Variants in DDX46 observed in about 807,000 individuals in gnomAD.
The protein encoded by DDX46 is DEAD-box helicase 46.
In DDX46, 30 loss-of-function variants were observed where a neutral mutation model predicts 134.9. That is an observed-to-expected ratio of 0.22 (90% CI 0.17 to 0.30). The LOEUF is 0.30. DDX46 is among the 10% of genes least tolerant of loss of function. The probability of loss-of-function intolerance (pLI) is 1.00; values close to 1 mark genes in which losing one functional copy is unlikely to be tolerated. For synonymous variants in DDX46, 415 were observed against 404.1 expected, an observed-to-expected ratio of 1.03 and a Z score of -0.32; for missense variants, 622 against 1,248.7, an observed-to-expected ratio of 0.50 and a Z score of 7.56.
At chr5:134,780,562 C>CTCAATCAA (rs1477232038) in intron 6 of DDX46, among the ~76,000 whole-genome samples, 141 of 110,056 alleles carry the variant, frequency 1.3e-3, no homozygotes, top group African/African-American at 4.3e-3. Flanking sequence ...AAAACTTTAT[C>CTCAATCAA]TCAATAAATA....
chr5:134,773,816 G>A lies in DDX46; in HGVS notation c.568G>A (p.Glu190Lys). The A allele has an allele frequency of 6.2e-7, 1 of 1,611,964 alleles. No individual in the cohort carries two copies. Among genetic ancestry groups the A allele is most frequent in the East Asian group, 2.2e-5 (1 of 44,780 alleles). ...CATAGGAGAACTGAAAAAGGAAATC[G>A]AAGAGATGAAACAAGGGAAAAAGTG... ...ENIGELKKEI[E>K]EMKQGKKWSL... The change falls in exon 5 of 23, where the codon GAA becomes AAA. Residue 190 changes from glutamate (E) to lysine (K), a missense_variant. Around this residue, in one of 8 missense-constraint regions of DDX46, gnomAD observed 244 missense variants for 349.3 expected, o/e 0.70. Coordinates refer to ENST00000452510, the MANE Select transcript of DDX46 (RefSeq NM_001300860.2).
intron 11 of DDX46, among the ~76,000 whole-genome samples, chr5:134,786,673 C>T (rs1017907675): frequency 7.2e-5 from 11 of 152,204 alleles, no homozygotes; most frequent in African/African-American, 2.4e-4. Context: ...CGAGACTCCC[C>T]GTCTCTACTG....
At position 134,788,516 on chromosome 5, in the gene DDX46, G is replaced by A. The variant is rs773009887; in HGVS notation, c.1468G>A (p.Ala490Thr). 6.8e-6 allele frequency: 11 copies of A among 1,613,078 alleles called. No individual in the cohort carries two copies. The highest frequency in any genetic ancestry group is 8.5e-6 in the Non-Finnish European group (10 of 1,179,354). Residue 490 changes from alanine to threonine, a missense_variant, in exon 12 of 23, where the codon GCT (alanine) becomes ACT (threonine). By Grantham distance (58) the Ala-to-Thr change is moderately conservative. Around this residue, in one of 8 missense-constraint regions of DDX46, gnomAD observed 209 missense variants for 508.4 expected, o/e 0.41. Coordinates refer to ENST00000452510, the MANE Select transcript of DDX46 (RefSeq NM_001300860.2). ...YGGTGISEQI[A>T]ELKRGAEIIV... ...AAAGTTTCATCTTTTTTATTAGATT[G>A]CTGAGCTGAAAAGAGGTGCTGAAAT...
At position 134,784,218 on chromosome 5, in the gene DDX46, T is replaced by C. The variant is rs1441995306; in HGVS notation, c.1167-148T>C. ...TAGTCCATATTGTAGAATGTGTTAG[T>C]ACTTCATTCCTTTTTATTGCCAAAT... On this transcript the variant is annotated intron_variant, in intron 9 of 22. Coordinates refer to ENST00000452510, the MANE Select transcript of DDX46 (RefSeq NM_001300860.2). 4 of 683,054 alleles carry C rather than the reference T, an allele frequency of 5.9e-6. No individual in the cohort carries two copies. In the East Asian group the frequency reaches 8.7e-5, roughly 15 times the overall value. 42.3% of individuals were successfully genotyped at this position (683,054 alleles called of 1,614,324 possible).
intron 6 of DDX46, 145 bp from the exon 7 acceptor site, chr5:134,780,988 C>G (rs1235344246): frequency 3.8e-6 from 2 of 524,286 alleles, no homozygotes; most frequent in Non-Finnish European, 6.4e-6. Context: ...ATGATCACAC[C>G]ACTCAAGCCT....
intron 13 of DDX46, among the ~76,000 whole-genome samples, chr5:134,791,272 A>G (rs1009788662): frequency 1.3e-5 from 2 of 152,218 alleles, no homozygotes; most frequent in Admixed American, 6.5e-5. Context: ...TGTTCCTTAT[A>G]TATGCTCTTT....
chr5:134,808,605 A>T (rs538344142), intron 16 of DDX46, among the ~76,000 whole-genome samples: 47 of 151,392 alleles, frequency 3.1e-4, no homozygotes, highest in African/African-American at 7.7e-4. Flanking sequence ...ATCTTTTTTT[A>T]AAAAAAAACA....
chr5:134,821,146 T>A (rs1433174026), intron 21 of DDX46, among the ~76,000 whole-genome samples: 1 of 151,510 alleles, frequency 6.6e-6, no homozygotes, highest in Non-Finnish European at 1.5e-5. Context: ...CACGCCATTC[T>A]CCTGCCTCAG....
intron 2 of DDX46, 38 bp downstream of exon 2, chr5:134,764,130 A>G (rs1436770926): frequency 1.3e-6 from 2 of 1,572,534 alleles, no homozygotes; most frequent in Non-Finnish European, 1.7e-6. Flanking sequence ...CGAGTGATAA[A>G]TTGGGCCTTC....
At position 134,807,205 on chromosome 5, in the gene DDX46, A is replaced by G. The variant is rs1227822293; in HGVS notation, c.1955-543A>G. On this transcript the variant is annotated intron_variant, in intron 15 of 22. Transcript: ENST00000452510. ...TTTTTTTTTTTTTTGTATTTTTAGT[A>G]GAGACGGGGTTTCACCATGTTGGTC... Among the ~76,000 whole-genome samples, 9 of 128,760 alleles carry G rather than the reference A, an allele frequency of 7.0e-5. No homozygotes were observed. The South Asian group carries it at 2.2e-3, about 31-fold the overall frequency. The allele number at this position is 128,760 out of a possible 152,430, so 84.5% of individuals were successfully genotyped here.
rs761764011 is a variant in DDX46, at chr5:134,802,497, G to GT, written c.1955-5237dup. ...CTTTTACCCTGTTGTCAACATTATC[G>GT]TTTTTTTTTTTTTTGTCATCGCCTA... On this transcript the variant is annotated intron_variant, in intron 15 of 22. Coordinates refer to ENST00000452510, the MANE Select transcript of DDX46 (RefSeq NM_001300860.2). Among the ~76,000 whole-genome samples the GT allele has an allele frequency of 8.3e-3, 1,120 of 134,946 alleles. 4 individuals carry two copies. Among genetic ancestry groups the GT allele is most frequent in the East Asian group, 9.8e-3 (47 of 4,774 alleles). 88.5% of individuals were successfully genotyped at this position (134,946 alleles called of 152,430 possible). A position where few individuals can be genotyped will look rare whatever the true frequency, so the allele number is the denominator to read the frequency against.
At chr5:134,766,722 TAAAAAAATGAAAGAAATA>T (rs1753578865) in intron 2 of DDX46, among the ~76,000 whole-genome samples, 177 bp from the exon 3 acceptor site, 1 of 152,138 alleles carries the variant, frequency 6.6e-6, no homozygotes, top group Non-Finnish European at 1.5e-5. Context: ...ACTTTGTCTT[TAAAAAAATGAAAGAAATA>T]AATTAGTATT....
At chr5:134,791,040 A>G (rs1434814512) in intron 13 of DDX46, among the ~76,000 whole-genome samples, 2 of 152,008 alleles carry the variant, frequency 1.3e-5, no homozygotes, top group Non-Finnish European at 2.9e-5. Flanking sequence ...CTGGTCTCGA[A>G]CTCCTGACCT....
At chr5:134,795,216 T>G (rs10067634) in intron 14 of DDX46, among the ~76,000 whole-genome samples, 2,266 of 109,410 alleles carry the variant, frequency 0.021, 70 homozygotes, top group African/African-American at 0.063. Flanking sequence ...TTTTTTTTTT[T>G]TTTGTTTTTT....
In DDX46 at chr5:134,777,436, A is replaced by G; in HGVS notation, c.614-138A>G. 2.3e-6 allele frequency: 2 copies of G among 883,340 alleles called. 1 individual carries two copies. Among genetic ancestry groups the G allele is most frequent in the Non-Finnish European group, 3.4e-6 (2 of 589,222 alleles). The allele number at this position is 883,340 out of a possible 1,614,324, so 54.7% of individuals were successfully genotyped here. A position where few individuals can be genotyped will look rare whatever the true frequency, so the allele number is the denominator to read the frequency against. ...AAAACCTCAGAATATGAGCATTTGA[A>G]CTGATGGATGGCTGGAGTAATTGGA... On this transcript the variant is annotated intron_variant, in intron 5 of 22. Transcript: ENST00000452510.
At chr5:134,781,882 A>G (rs1040908592) in intron 7 of DDX46, 39 bp from the exon 8 acceptor site, 3 of 1,568,794 alleles carry the variant, frequency 1.9e-6, no homozygotes, top group Non-Finnish European at 1.7e-6. Flanking sequence ...GGAAAATAGT[A>G]ATGAACTTAG....
At chr5:134,811,588 G>A in intron 17 of DDX46, 108 bp from the exon 18 acceptor site, 1 of 1,278,972 alleles carries the variant, frequency 7.8e-7, no homozygotes, top group Non-Finnish European at 1.1e-6. Flanking sequence ...TAGATGAAGT[G>A]TTTTTATTAC....
At chr5:134,770,778 C>A in intron 3 of DDX46, 125 bp from the exon 4 acceptor site, 1 of 744,962 alleles carries the variant, frequency 1.3e-6, no homozygotes, top group Non-Finnish European at 2.0e-6. Flanking sequence ...CACCATTTCA[C>A]TCCACTCCAG....
At chr5:134,823,424 C>T (rs1186175217) in intron 21 of DDX46, among the ~76,000 whole-genome samples, 2 of 152,130 alleles carry the variant, frequency 1.3e-5, no homozygotes, top group South Asian at 2.1e-4. Flanking sequence ...CAGGCGAGAG[C>T]CACCACGCCC....
Sources: gnomAD v4.1 joint callset for allele counts (sites outside exome capture counted in the v4.1 genomes callset) on GRCh38, gnomAD v4.1.1 for gene constraint, gnomAD v4.1.1 regional missense constraint, MANE v1.5 for transcripts, NCBI Gene and HGNC (gene_info 2026-07-23, HGNC 2026-07-21) for gene names.